Variants in NDUFA10 observed in about 807,000 individuals in gnomAD.
NDUFA10 encodes the protein NADH dehydrogenase [ubiquinone] 1 alpha subcomplex subunit 10, mitochondrial.
In NDUFA10, 40 loss-of-function variants were observed where a neutral mutation model predicts 47.8. The ratio of observed to expected loss-of-function variants is 0.84; its 90% CI spans 0.65 to 1.09. The LOEUF (loss-of-function observed/expected upper bound fraction) is 1.09. NDUFA10 is among the 50% of genes least tolerant of loss of function. NDUFA10 has a pLI of 0.00. For synonymous variants in NDUFA10, 183 were observed against 172.2 expected, an observed-to-expected ratio of 1.06 and a Z score of -0.49; for missense variants, 413 against 451.1, an observed-to-expected ratio of 0.92 and a Z score of 0.76.
At chr2:239,930,537 C>G (rs974418040) in intron 4 of NDUFA10, among the ~76,000 whole-genome samples, 1 of 151,964 alleles carries the variant, frequency 6.6e-6, no homozygotes, top group African/African-American at 2.4e-5. Flanking sequence ...CTCTGCACCC[C>G]GCTGTCCGCA....
chr2:239,923,855 C>G (rs933006093), intron 4 of NDUFA10, among the ~76,000 whole-genome samples: 2 of 152,022 alleles, frequency 1.3e-5, no homozygotes, highest in East Asian at 3.8e-4. Flanking sequence ...AAACCTCTAG[C>G]AAGACAGACA....
chr2:239,916,227 TACAC>T (rs1171915558), intron 4 of NDUFA10, among the ~76,000 whole-genome samples: 4 of 127,324 alleles, frequency 3.1e-5, no homozygotes, highest in Admixed American at 7.9e-5. Flanking sequence ...AATATACAGA[TACAC>T]ACAGACAGAC....
At chr2:239,965,145 C>T (rs1490672293) in intron 9 of NDUFA10, among the ~76,000 whole-genome samples, 1 of 152,124 alleles carries the variant, frequency 6.6e-6, no homozygotes. Flanking sequence ...TAGAAACTAG[C>T]AGAATACCAA....
chr2:239,958,876 A>G lies in NDUFA10; in HGVS notation c.*2242T>C, dbSNP rs111969519. ...CAGCATGATTATTTCCTGATCTCCA[A>G]AGCACTGAGAAGTCCAACATGGAAT... On this transcript the variant is annotated 3_prime_UTR_variant, in exon 10 of 10. Transcript: ENST00000252711. The G allele has an allele frequency of 2.6e-3, 2,354 of 910,152 alleles. 4 individuals are homozygous for G. The highest frequency in any genetic ancestry group is 2.9e-3 in the Non-Finnish European group (2,208 of 761,400). The allele number at this position is 910,152 out of a possible 1,614,324, so 56.4% of individuals were successfully genotyped here. A position where few individuals can be genotyped will look rare whatever the true frequency, so the allele number is the denominator to read the frequency against.
At chr2:239,913,870 G>A (rs970668879) in intron 4 of NDUFA10, among the ~76,000 whole-genome samples, 12 of 152,232 alleles carry the variant, frequency 7.9e-5, no homozygotes, top group African/African-American at 2.9e-4. Flanking sequence ...TCACCTCGGC[G>A]TGCAGGAGGA....
intron 9 of NDUFA10, chr2:239,969,560 A>G: frequency 2.3e-6 from 1 of 435,358 alleles, no homozygotes; most frequent in African/African-American, 2.0e-5. Flanking sequence ...GGACTCCCTG[A>G]CAGGCATCTT....
chr2:239,946,348 GTGTGTTAC>G (rs1312722116), intron 4 of NDUFA10, among the ~76,000 whole-genome samples: 5 of 152,210 alleles, frequency 3.3e-5, no homozygotes, highest in Non-Finnish European at 7.3e-5. Flanking sequence ...CCGAAGGGTA[GTGTGTTAC>G]TAGGGGAAGA....
chr2:239,966,674 C>T (rs1310645457), intron 9 of NDUFA10, among the ~76,000 whole-genome samples: 2 of 152,076 alleles, frequency 1.3e-5, no homozygotes, highest in African/African-American at 4.8e-5. Context: ...TTTCCTGACC[C>T]TCACAGTTAA....
intron 4 of NDUFA10, chr2:240,017,750 G>A (rs543945633): frequency 4.5e-6 from 6 of 1,329,406 alleles, no homozygotes; most frequent in African/African-American, 2.9e-5. Context: ...CTCACAGGTG[G>A]AGTACCGGCA....
At position 240,014,730 on chromosome 2, in the gene NDUFA10, C is replaced by T; in HGVS notation, c.669+9G>A. On this transcript the variant is annotated intron_variant, in intron 5 of 9. Coordinates refer to ENST00000252711, the MANE Select transcript of NDUFA10 (RefSeq NM_004544.4). ...GAGATGCTTGGCCTTTGATTGAAAA[C>T]TGCATTACATCTCCTTTCTTCTGAA... 6.2e-7 allele frequency: 1 copy of T among 1,614,202 alleles called. No homozygotes were observed. Among genetic ancestry groups the T allele is most frequent in the East Asian group, 2.2e-5 (1 of 44,884 alleles).
chr2:239,986,197 A>G (rs532367732), intron 9 of NDUFA10, among the ~76,000 whole-genome samples: 1 of 152,394 alleles, frequency 6.6e-6, no homozygotes, highest in East Asian at 1.9e-4. Flanking sequence ...AAGCACTGAA[A>G]GAAAATATTG....
At chr2:239,932,371 C>T (rs751691259) in intron 4 of NDUFA10, among the ~76,000 whole-genome samples, 9 of 152,300 alleles carry the variant, frequency 5.9e-5, no homozygotes, top group Non-Finnish European at 1.2e-4. Context: ...TAAAAAACTA[C>T]TTTCCAAGCA....
chr2:239,994,650 A>ACTGC (rs1260078156), intron 8 of NDUFA10, among the ~76,000 whole-genome samples: 1 of 152,144 alleles, frequency 6.6e-6, no homozygotes, highest in African/African-American at 2.4e-5. Flanking sequence ...CTGTGTAAAA[A>ACTGC]CTGCCTTCCA....
At chr2:240,003,248 T>C (rs189732766) in intron 8 of NDUFA10, among the ~76,000 whole-genome samples, 20 of 152,262 alleles carry the variant, frequency 1.3e-4, no homozygotes, top group African/African-American at 4.8e-4. Flanking sequence ...AGGAGACTAC[T>C]GTATCACTCA....
At chr2:239,974,888 C>T (rs901574979) in intron 9 of NDUFA10, among the ~76,000 whole-genome samples, 1 of 125,652 alleles carries the variant, frequency 8.0e-6, no homozygotes, top group Non-Finnish European at 1.8e-5. Flanking sequence ...CACTCTACCA[C>T]CAAAGAGCTG....
chr2:239,965,494 G>A (rs977286552), intron 9 of NDUFA10, among the ~76,000 whole-genome samples: 7 of 152,150 alleles, frequency 4.6e-5, no homozygotes, highest in South Asian at 2.1e-4. Flanking sequence ...AGCAAAGCCC[G>A]TTCCCTCGCA....
chr2:239,938,911 G>A (rs559387174), intron 4 of NDUFA10, among the ~76,000 whole-genome samples: 16 of 152,358 alleles, frequency 1.1e-4, no homozygotes, highest in Non-Finnish European at 1.9e-4. Flanking sequence ...CCCGCGGACG[G>A]CTTGGTTCCT....
chr2:239,919,540 C>A (rs558357587), intron 4 of NDUFA10, among the ~76,000 whole-genome samples: 1 of 152,162 alleles, frequency 6.6e-6, no homozygotes, highest in Admixed American at 6.5e-5. Flanking sequence ...AATAACCAAA[C>A]GCAGCCTTAA....
intron 9 of NDUFA10, among the ~76,000 whole-genome samples, chr2:239,962,570 C>T (rs1302339423): frequency 6.6e-6 from 1 of 152,212 alleles, no homozygotes; most frequent in Non-Finnish European, 1.5e-5. Flanking sequence ...AGGTGCACAG[C>T]TGTGAAGTGG....
Sources: allele counts gnomAD v4.1 joint callset (sites outside exome capture counted in the v4.1 genomes callset), GRCh38; gene constraint gnomAD v4.1.1; transcripts MANE v1.5; gene names NCBI Gene and HGNC (gene_info 2026-07-23, HGNC 2026-07-21).